RALGAPA2: variants seen among roughly 807,000 people sequenced by gnomAD.
RALGAPA2 encodes ral GTPase-activating protein subunit alpha-2.
In RALGAPA2, 139 loss-of-function variants were observed where a neutral mutation model predicts 230.4. That is an observed-to-expected ratio of 0.60 (90% confidence interval 0.53 to 0.69). The LOEUF (loss-of-function observed/expected upper bound fraction) is 0.69. Ranked by LOEUF, RALGAPA2 falls within the 30% of genes least tolerant of loss-of-function variation. The probability of loss-of-function intolerance (pLI) is 0.00; values close to 1 mark genes in which losing one functional copy is unlikely to be tolerated. For missense variants in RALGAPA2, 2,163 were observed against 2,276.0 expected (o/e 0.95, Z 1.01); for synonymous variants, 847 against 837.8 (o/e 1.01, Z -0.19).
rs373152575 is a variant in RALGAPA2, at chr20:20,546,863, G to A, written c.3157-31C>T. On this transcript the variant is annotated intron_variant, in intron 23 of 39. Transcript: ENST00000202677. ...AGGGAAGATAAGAAAAAACACAATCGTAATGTTCAAACACAAAATTCCAAA... is the reference window on the plus strand; with the variant it reads ...AGGGAAGATAAGAAAAAACACAATCATAATGTTCAAACACAAAATTCCAAA... The A allele has an allele frequency of 1.1e-4, 176 of 1,546,760 alleles. 1 individual carries two copies. The highest frequency in any genetic ancestry group is 2.6e-4 in the African/African-American group (19 of 72,492).
chr20:20,509,504 C>T (rs1418967214), intron 33 of RALGAPA2, among the ~76,000 whole-genome samples: 1 of 152,090 alleles, frequency 6.6e-6, no homozygotes, highest in Non-Finnish European at 1.5e-5. Flanking sequence ...CTCTTTAAGG[C>T]CACCTAGGAA....
intron 3 of RALGAPA2, among the ~76,000 whole-genome samples, chr20:20,658,736 C>T (rs142303649): frequency 1.2e-3 from 187 of 152,112 alleles, no homozygotes; most frequent in Non-Finnish European, 2.4e-3. Flanking sequence ...TACTGCATGA[C>T]CAGGAATAAT....
intron 36 of RALGAPA2, among the ~76,000 whole-genome samples, chr20:20,480,686 C>T (rs546693199): frequency 2.0e-5 from 3 of 152,290 alleles, no homozygotes; most frequent in Admixed American, 6.5e-5. Flanking sequence ...AGTGCTGCTG[C>T]TGTACAAAGC....
Position 20,605,220 on chromosome 20 carries a change from G to C in RALGAPA2, c.1993C>G (p.Leu665Val), listed in dbSNP as rs765040277. 1.4e-5 allele frequency: 22 copies of C among 1,613,530 alleles called. No homozygotes were observed. The highest frequency in any genetic ancestry group is 1.7e-5 in the Non-Finnish European group (20 of 1,179,700). ...TCCTTTTGTTCACTTAATTTATCCA[G>C]AGGTAGGTTTGTCATCTCAACTCCA... ...VYGVEMTNLP[L>V]DKLSEQKEKK... Residue 665 changes from leucine (L) to valine (V), a missense_variant, in exon 15 of 40, where the codon CTG (leucine) becomes GTG (valine). Coordinates refer to ENST00000202677, the MANE Select transcript of RALGAPA2 (RefSeq NM_020343.4).
chr20:20,521,168 C>T, intron 30 of RALGAPA2, 68 bp from the exon 31 acceptor site: 1 of 1,378,192 alleles, frequency 7.3e-7, no homozygotes, highest in African/African-American at 1.4e-5. Flanking sequence ...ATCTGTCAAA[C>T]TACTGCAGCA....
chr20:20,524,782 A>C (rs1397089666), intron 29 of RALGAPA2, 48 bp downstream of exon 29: 1 of 1,445,760 alleles, frequency 6.9e-7, no homozygotes, highest in East Asian at 2.4e-5. Context: ...TTTACCTTAC[A>C]TTAAAATAAA....
chr20:20,476,962 A>G (rs1326977427), intron 36 of RALGAPA2, among the ~76,000 whole-genome samples: 1 of 152,168 alleles, frequency 6.6e-6, no homozygotes, highest in Non-Finnish European at 1.5e-5. Context: ...AAAGAAACAG[A>G]CACTAAAAAG....
intron 38 of RALGAPA2, among the ~76,000 whole-genome samples, chr20:20,407,670 A>G (rs2059974345): frequency 1.3e-5 from 2 of 152,246 alleles, no homozygotes; most frequent in Admixed American, 6.5e-5. Context: ...AAAATGACTC[A>G]GTGACACCAG....
At chr20:20,541,104 A>T (rs1254621464) in intron 24 of RALGAPA2, among the ~76,000 whole-genome samples, 3 of 146,270 alleles carry the variant, frequency 2.1e-5, no homozygotes, top group Non-Finnish European at 3.0e-5. Flanking sequence ...TTTCCTCCAC[A>T]TCCTTGCCTA....
chr20:20,408,468 A>C (rs1207763853), intron 38 of RALGAPA2, among the ~76,000 whole-genome samples: 1 of 152,248 alleles, frequency 6.6e-6, no homozygotes, highest in African/African-American at 2.4e-5. Flanking sequence ...TTATAAGAGC[A>C]ACTTCTAAAA....
chr20:20,672,342 ATAAT>A (rs1416265190), intron 3 of RALGAPA2, among the ~76,000 whole-genome samples: 3 of 152,248 alleles, frequency 2.0e-5, no homozygotes, highest in Admixed American at 2.0e-4. Flanking sequence ...AATAACCAGC[ATAAT>A]TAGACAAACA....
chr20:20,705,049 T>C (rs1315680367), intron 1 of RALGAPA2, among the ~76,000 whole-genome samples: 1 of 152,232 alleles, frequency 6.6e-6, no homozygotes, highest in Non-Finnish European at 1.5e-5. Flanking sequence ...ACCACACTCC[T>C]CTGTGCCACT....
intron 37 of RALGAPA2, among the ~76,000 whole-genome samples, chr20:20,427,216 T>G (rs6046853): frequency 1.5e-4 from 23 of 152,102 alleles, no homozygotes; most frequent in Middle Eastern, 3.4e-3. Context: ...CTCTCTCCAG[T>G]TGGGACTCTA....
chr20:20,506,740 T>C (rs1366359017), intron 33 of RALGAPA2, among the ~76,000 whole-genome samples: 2 of 152,342 alleles, frequency 1.3e-5, no homozygotes, highest in South Asian at 4.1e-4. Flanking sequence ...AGATATTGTA[T>C]TGGTAGAACT....
intron 38 of RALGAPA2, among the ~76,000 whole-genome samples, chr20:20,405,720 G>A (rs568461117): frequency 3.4e-4 from 51 of 152,188 alleles, no homozygotes; most frequent in African/African-American, 1.2e-3. Flanking sequence ...GGATTCGCTG[G>A]CTCCTGACTT....
intron 23 of RALGAPA2, among the ~76,000 whole-genome samples, chr20:20,569,505 C>A (rs1418921545): frequency 1.3e-5 from 2 of 152,014 alleles, no homozygotes; most frequent in African/African-American, 2.4e-5. Context: ...TTTATGTATT[C>A]CACTATGAAC....
At chr20:20,637,310 ACTG>A in intron 8 of RALGAPA2, 50 bp downstream of exon 8, 1 of 1,393,614 alleles carries the variant, frequency 7.2e-7, no homozygotes, top group East Asian at 2.5e-5. Context: ...TTTGAAAGAG[ACTG>A]CATAGCTTTC....
intron 3 of RALGAPA2, among the ~76,000 whole-genome samples, chr20:20,668,030 G>A (rs2068015633): frequency 6.6e-6 from 1 of 152,086 alleles, no homozygotes; most frequent in Non-Finnish European, 1.5e-5. Context: ...TTAAGTCAAA[G>A]TCCCCTGCAT....
intron 37 of RALGAPA2, among the ~76,000 whole-genome samples, chr20:20,455,197 C>T (rs2061083600): frequency 6.6e-6 from 1 of 152,226 alleles, no homozygotes; most frequent in Non-Finnish European, 1.5e-5. Context: ...AGTGCTCTGC[C>T]TCGCATGACT....
Sources: allele counts gnomAD v4.1 joint callset (sites outside exome capture counted in the v4.1 genomes callset), GRCh38; gene constraint gnomAD v4.1.1; transcripts MANE v1.5; gene names NCBI Gene and HGNC (gene_info 2026-07-23, HGNC 2026-07-21).